The following CACNA1C variants were observed in gnomAD, a reference collection of about 807,000 sequenced individuals.
The protein encoded by CACNA1C is voltage-dependent L-type calcium channel subunit alpha-1C.
A neutral mutation model predicts 229.0 loss-of-function variants in CACNA1C; 30 were observed. The ratio of observed to expected loss-of-function variants is 0.13; its 90% CI spans 0.10 to 0.18. The LOEUF (loss-of-function observed/expected upper bound fraction) is 0.18, where lower values mean the gene tolerates loss of function less well. Ranked by LOEUF, CACNA1C falls within the 10% of genes least tolerant of loss-of-function variation. CACNA1C has a pLI of 1.00. For synonymous variants in CACNA1C, 1,114 were observed against 1,132.5 expected (o/e 0.98, Z 0.33); for missense variants, 1,658 against 2,845.0 (o/e 0.58, Z 9.49).
chr12:1,981,755 G>T (rs981402982), intron 1 of CACNA1C, among the ~76,000 whole-genome samples: 36 of 152,192 alleles, frequency 2.4e-4, no homozygotes, highest in African/African-American at 8.7e-4. Context: ...AGACATCACA[G>T]CTACACAGGG....
At chr12:2,671,162 G>A (rs2096551076) in intron 38 of CACNA1C, among the ~76,000 whole-genome samples, 1 of 151,886 alleles carries the variant, frequency 6.6e-6, no homozygotes, top group Non-Finnish European at 1.5e-5. Context: ...TTACAGGCAC[G>A]TGCCACCACG....
chr12:2,366,460 T>C (rs970546378), intron 3 of CACNA1C, among the ~76,000 whole-genome samples: 1 of 152,188 alleles, frequency 6.6e-6, no homozygotes, highest in African/African-American at 2.4e-5. Flanking sequence ...CAAGGAAATA[T>C]TGGGTGCTGG....
chr12:2,166,502 GA>G (rs1482108615), intron 3 of CACNA1C, among the ~76,000 whole-genome samples: 1 of 152,188 alleles, frequency 6.6e-6, no homozygotes, highest in Admixed American at 6.5e-5. Context: ...TGTCAGCAAT[GA>G]GGAACAATGG....
chr12:2,343,119 C>G (rs185063683), intron 3 of CACNA1C, among the ~76,000 whole-genome samples: 1 of 152,306 alleles, frequency 6.6e-6, no homozygotes, highest in East Asian at 1.9e-4. Context: ...GACTGGGTGT[C>G]CTGATTCTAG....
chr12:2,395,758 A>G (rs1285087822), intron 3 of CACNA1C, among the ~76,000 whole-genome samples: 1 of 152,094 alleles, frequency 6.6e-6, no homozygotes, highest in African/African-American at 2.4e-5. Flanking sequence ...CCTGAACCCT[A>G]TGATCTGAGA....
chr12:2,459,818 A>G (rs1169112087), intron 5 of CACNA1C, among the ~76,000 whole-genome samples: 1 of 152,216 alleles, frequency 6.6e-6, no homozygotes, highest in Non-Finnish European at 1.5e-5. Flanking sequence ...ACCAAGCGAA[A>G]TGGACACAAT....
intron 34 of CACNA1C, among the ~76,000 whole-genome samples, chr12:2,659,000 T>TA (rs1342902533): frequency 1.3e-5 from 2 of 152,190 alleles, no homozygotes; most frequent in Admixed American, 1.3e-4. Flanking sequence ...GTTTATAAAG[T>TA]AAAAATGTTA....
chr12:2,016,586 G>A (rs987407914), intron 1 of CACNA1C, among the ~76,000 whole-genome samples: 1 of 152,004 alleles, frequency 6.6e-6, no homozygotes, highest in Admixed American at 6.6e-5. Context: ...CTGCCACCAC[G>A]CCTGGCTAAT....
At chr12:2,458,123 A>G (rs1259562708) in intron 5 of CACNA1C, among the ~76,000 whole-genome samples, 2 of 152,216 alleles carry the variant, frequency 1.3e-5, no homozygotes, top group East Asian at 3.8e-4. Flanking sequence ...CAATCAGGAA[A>G]GCATCAGTGG....
intron 3 of CACNA1C, chr12:2,222,158 TAAA>T (rs1307673582): frequency 6.6e-6 from 1 of 152,204 alleles, no homozygotes; most frequent in Non-Finnish European, 1.5e-5. Flanking sequence ...AATAAAAACT[TAAA>T]AAAAGCCCTG....
chr12:2,024,794 A>G (rs2047028944), intron 1 of CACNA1C, among the ~76,000 whole-genome samples: 2 of 152,190 alleles, frequency 1.3e-5, no homozygotes, highest in Admixed American at 1.3e-4. Context: ...TATACACTGT[A>G]GGCCACGAAC....
rs1429646618 is a variant in CACNA1C at position 2,275,957 on chromosome 12, A to G, written c.477+155527A>G. Among the ~76,000 whole-genome samples, 5 of 152,232 alleles carry G rather than the reference A, an allele frequency of 3.3e-5. No homozygotes were observed. Among genetic ancestry groups the G allele is most frequent in the Admixed American group, 2.0e-4 (3 of 15,286 alleles). The stretch of plus-strand genomic sequence containing the variant: ...GGAGACTGATTCCTGGACCCCTCTC[A>G]GATACAAAACCCAAGGATGCCCATG... On this transcript the variant is annotated intron_variant, in intron 3 of 46. Transcript: ENST00000399655. The surrounding 1 kb of genome is among the most constrained non-coding windows in gnomAD (Gnocchi z 4.1).
At chr12:1,997,906 G>A (rs751876543) in intron 1 of CACNA1C, 1 of 1,565,464 alleles carries the variant, frequency 6.4e-7, no homozygotes, top group South Asian at 1.2e-5. Context: ...TTGAAGATTA[G>A]TTTCTTTATA....
intron 3 of CACNA1C, among the ~76,000 whole-genome samples, chr12:2,349,372 G>A (rs772417882): frequency 5.9e-5 from 9 of 152,158 alleles, no homozygotes; most frequent in Admixed American, 1.3e-4. Flanking sequence ...CAACAGACTC[G>A]CAGGGAGATT....
chr12:2,464,001 T>C (rs1008245433), intron 5 of CACNA1C, among the ~76,000 whole-genome samples: 2 of 152,082 alleles, frequency 1.3e-5, no homozygotes, highest in Non-Finnish European at 2.9e-5. Flanking sequence ...AGGAGTACAT[T>C]TGCTTGTGAA....
intron 1 of CACNA1C, chr12:1,991,118 TA>T (rs2039297556): frequency 2.2e-6 from 1 of 456,098 alleles, no homozygotes; most frequent in African/African-American, 2.0e-5. Flanking sequence ...TCCCAAAGGC[TA>T]CCTTTAATTT....
At chr12:2,344,481 CA>C (rs1365241058) in intron 3 of CACNA1C, among the ~76,000 whole-genome samples, 1 of 152,152 alleles carries the variant, frequency 6.6e-6, no homozygotes, top group Non-Finnish European at 1.5e-5. Flanking sequence ...ATTTGCATTA[CA>C]AATCCACAGA....
chr12:2,158,347 G>C (rs1161680681), intron 3 of CACNA1C, among the ~76,000 whole-genome samples: 1 of 152,168 alleles, frequency 6.6e-6, no homozygotes, highest in Admixed American at 6.5e-5. Context: ...AGGCAGAGGC[G>C]GGTGGATCGC....
intron 3 of CACNA1C, among the ~76,000 whole-genome samples, chr12:2,296,635 A>G (rs1289064310): frequency 6.6e-6 from 1 of 152,060 alleles, no homozygotes; most frequent in Non-Finnish European, 1.5e-5. Context: ...AGGCTTTTCC[A>G]CCTCACACTA....
Sources: allele counts gnomAD v4.1 joint callset (sites outside exome capture counted in the v4.1 genomes callset), GRCh38; gene constraint gnomAD v4.1.1; non-coding constraint Gnocchi (gnomAD v3.1); transcripts MANE v1.5; gene names NCBI Gene and HGNC (gene_info 2026-07-23, HGNC 2026-07-21).